The following MYO10 variants were observed in gnomAD, a reference collection of about 807,000 sequenced individuals.
The protein encoded by MYO10 is unconventional myosin-X.
MYO10 carries 133 observed loss-of-function variants against 257.3 expected under a neutral mutation model. That is an observed-to-expected ratio of 0.52 (90% confidence interval 0.45 to 0.60). MYO10 has a LOEUF of 0.60. MYO10 is among the 20% of genes least tolerant of loss of function. MYO10 has a pLI of 0.00. For missense variants in MYO10, 2,399 were observed against 2,635.7 expected (o/e 0.91, Z 1.97); for synonymous variants, 1,104 against 1,028.6 (o/e 1.07, Z -1.40).
chr5:16,710,882 G>T, intron 21 of MYO10, 26 bp downstream of exon 21: 1 of 1,586,282 alleles, frequency 6.3e-7, no homozygotes. Context: ...GGATTCGGTG[G>T]GAGTTGCTCT....
chr5:16,771,856 C>T (rs1741060751), intron 9 of MYO10, among the ~76,000 whole-genome samples: 1 of 150,404 alleles, frequency 6.6e-6, no homozygotes, highest in Admixed American at 6.6e-5. Context: ...GCTGGAATTA[C>T]AGGCATGAGC....
chr5:16,791,563 T>TACACACACACACACACACACAC (rs58464460), intron 4 of MYO10, among the ~76,000 whole-genome samples: 4 of 151,156 alleles, frequency 2.6e-5, no homozygotes, highest in Admixed American at 1.3e-4. Flanking sequence ...CACACACACA[T>TACACACACACACACACACACAC]ACACATATGC....
intron 1 of MYO10, among the ~76,000 whole-genome samples, chr5:16,882,674 C>T (rs918522694): frequency 6.6e-6 from 1 of 152,022 alleles, no homozygotes; most frequent in Non-Finnish European, 1.5e-5. Context: ...TGTGTGGTTC[C>T]GTTTATATGA....
chr5:16,924,829 A>AGT (rs1746085985), intron 1 of MYO10, among the ~76,000 whole-genome samples: 1 of 75,248 alleles, frequency 1.3e-5, no homozygotes, highest in African/African-American at 5.9e-5. Context: ...TCACTTTATC[A>AGT]CTTTTTTTTT....
intron 19 of MYO10, among the ~76,000 whole-genome samples, chr5:16,712,663 T>C (rs908949665): frequency 6.6e-5 from 10 of 152,232 alleles, no homozygotes; most frequent in African/African-American, 2.2e-4. Context: ...ATTTAAAGAA[T>C]GCTTTGCAAC....
At chr5:16,717,617 C>G (rs1738927880) in intron 19 of MYO10, among the ~76,000 whole-genome samples, 1 of 152,256 alleles carries the variant, frequency 6.6e-6, no homozygotes, top group Non-Finnish European at 1.5e-5. Flanking sequence ...AATCAAATTG[C>G]AAACTGAGCA....
chr5:16,673,713 A>G lies in MYO10; in HGVS notation c.5141T>C (p.Ile1714Thr), dbSNP rs762568158. 10 of 1,613,806 alleles carry G rather than the reference A, an allele frequency of 6.2e-6. No individual in the cohort carries two copies. Among genetic ancestry groups the G allele is most frequent in the Non-Finnish European group, 8.5e-6 (10 of 1,179,856 alleles). ...AGCGGTGGTGTGGGAGTTGATGGTG[A>G]TCTTGCAGGAGCCGCCGCCATGGCA... ...VYCHGGGSCK[I>T]TINSHTTAGE... The change falls in exon 36 of 41, where the codon ATC becomes ACC. Residue 1714 changes from isoleucine (I) to threonine (T), a missense_variant. By Grantham distance (89) the Ile-to-Thr change is moderately conservative. Coordinates refer to ENST00000513610, the MANE Select transcript of MYO10 (RefSeq NM_012334.3).
At chr5:16,724,249 TA>T (rs1309949104) in intron 19 of MYO10, among the ~76,000 whole-genome samples, 2 of 152,196 alleles carry the variant, frequency 1.3e-5, no homozygotes, top group Non-Finnish European at 2.9e-5. Flanking sequence ...CTATAGTTGA[TA>T]AAGTTGTTTT....
chr5:16,785,772 A>G (rs1741560789), intron 4 of MYO10, among the ~76,000 whole-genome samples: 1 of 152,216 alleles, frequency 6.6e-6, no homozygotes, highest in Non-Finnish European at 1.5e-5. Context: ...TGGGAGGCTG[A>G]GGCAGAAGAA....
chr5:16,676,608 C>A (rs1296312581), intron 33 of MYO10, among the ~76,000 whole-genome samples: 1 of 152,072 alleles, frequency 6.6e-6, no homozygotes, highest in Non-Finnish European at 1.5e-5. Flanking sequence ...CTCAGCTACT[C>A]ATGAGGCTGA....
At chr5:16,803,299 A>C (rs1742177100) in intron 3 of MYO10, among the ~76,000 whole-genome samples, 1 of 151,610 alleles carries the variant, frequency 6.6e-6, no homozygotes, top group African/African-American at 2.4e-5. Context: ...ATGATGGTGC[A>C]CACATGTGGT....
intron 19 of MYO10, among the ~76,000 whole-genome samples, chr5:16,726,534 T>G (rs908763013): frequency 1.3e-5 from 2 of 152,172 alleles, no homozygotes; most frequent in African/African-American, 4.8e-5. Flanking sequence ...GGCTCATGCT[T>G]AATTAACACA....
chr5:16,671,550 G>C lies in MYO10; in HGVS notation c.5310-8C>G. 6.2e-7 allele frequency: 1 copy of C among 1,613,950 alleles called. No individual in the cohort carries two copies. The highest frequency in any genetic ancestry group is 8.5e-7 in the Non-Finnish European group (1 of 1,179,868). On this transcript the variant is annotated splice_region_variant and splice_polypyrimidine_tract_variant and intron_variant, in intron 37 of 40. Coordinates refer to ENST00000513610, the MANE Select transcript of MYO10 (RefSeq NM_012334.3). ...TCGGATGTGGCAGCCAGCCTACAGA[G>C]AGGAGTCAAGAGAGGCTCAGAATAT...
intron 40 of MYO10, among the ~76,000 whole-genome samples, chr5:16,667,081 G>A (rs541488505): frequency 8.5e-5 from 13 of 152,314 alleles, no homozygotes; most frequent in Middle Eastern, 3.4e-3. Context: ...AGAACTAACC[G>A]AGGACGCTGA....
intron 36 of MYO10, among the ~76,000 whole-genome samples, chr5:16,673,481 G>A (rs1284748755): frequency 6.6e-6 from 1 of 152,046 alleles, no homozygotes; most frequent in Non-Finnish European, 1.5e-5. Flanking sequence ...TTATCTCTGT[G>A]TTTCCACTCA....
intron 2 of MYO10, among the ~76,000 whole-genome samples, chr5:16,825,127 C>A (rs1190859502): frequency 6.6e-6 from 1 of 152,074 alleles, no homozygotes; most frequent in Non-Finnish European, 1.5e-5. Flanking sequence ...GAGAATATTC[C>A]TTTGCTCCTT....
intron 3 of MYO10, among the ~76,000 whole-genome samples, chr5:16,796,442 C>CAGACAGAA (rs1553997257): frequency 2.0e-4 from 24 of 120,816 alleles, no homozygotes; most frequent in African/African-American, 6.4e-4. Flanking sequence ...AAAAGAAAGA[C>CAGACAGAA]AGAAAGAAAG....
chr5:16,670,750 C>A lies in MYO10; in HGVS notation c.5659G>T (p.Gly1887Trp), dbSNP rs564832156. 1 of 1,613,994 alleles carries A rather than the reference C, an allele frequency of 6.2e-7. No homozygotes were observed. The highest frequency in any genetic ancestry group is 1.7e-5 in the Admixed American group (1 of 60,006). ...LEKRRTSFLE[G>W]TLRRSFRTGS... Reference sequence around the variant, plus strand: ...GTCCGGAAGCTCCGCCTCAGGGTCCCCTCTAGGAAGCTCGTCCGCCTCTTC... The same window carrying A: ...GTCCGGAAGCTCCGCCTCAGGGTCCACTCTAGGAAGCTCGTCCGCCTCTTC... Residue 1887 changes from glycine (G) to tryptophan (W), a missense_variant, in exon 39 of 41, where the codon GGG becomes TGG. Gly to Trp is a radical substitution (Grantham distance 184, BLOSUM62 -2). Transcript: ENST00000513610.
intron 4 of MYO10, among the ~76,000 whole-genome samples, chr5:16,788,484 G>A (rs1455904520): frequency 1.3e-5 from 2 of 152,176 alleles, no homozygotes; most frequent in African/African-American, 4.8e-5. Flanking sequence ...GACAGGGTAG[G>A]ATGGAGAGGC....
Sources: gnomAD v4.1 joint callset for allele counts (sites outside exome capture counted in the v4.1 genomes callset) on GRCh38, gnomAD v4.1.1 for gene constraint, MANE v1.5 for transcripts, NCBI Gene and HGNC (gene_info 2026-07-23, HGNC 2026-07-21) for gene names.